EDNRB: variants seen among roughly 807,000 people sequenced by gnomAD.
The protein encoded by EDNRB is endothelin receptor type B.
In EDNRB, 18 loss-of-function variants were observed where a neutral mutation model predicts 46.4. The observed-to-expected ratio is 0.39, with a 90% CI of 0.27 to 0.57. EDNRB has a LOEUF of 0.57. Among genes scored for constraint, EDNRB ranks in the 20% least tolerant of loss-of-function variants. EDNRB has a pLI of 0.61. For synonymous variants in EDNRB, 213 were observed against 204.9 expected (o/e 1.04, Z -0.34); for missense variants, 434 against 537.5 (o/e 0.81, Z 1.90).
At position 77,897,099 on chromosome 13, in the gene EDNRB, G is replaced by A. The variant is rs200910717; in HGVS notation, c.*1101C>T. On this transcript the variant is annotated 3_prime_UTR_variant, in exon 7 of 7. Coordinates refer to ENST00000646607, the MANE Select transcript of EDNRB (RefSeq NM_001122659.3). ...TATGCTAGAAACCATTTTAACCACA[G>A]CATGGGTGAGAGAGGGTGCTACCTG... 15 of 985,636 alleles carry A rather than the reference G, an allele frequency of 1.5e-5. No individual in the cohort carries two copies. Among genetic ancestry groups the A allele is most frequent in the African/African-American group, 8.7e-5 (5 of 57,220 alleles). The allele number at this position is 985,636 out of a possible 1,614,324, so 61.1% of individuals were successfully genotyped here.
intron 1 of EDNRB, among the ~76,000 whole-genome samples, chr13:77,938,070 A>G (rs1280068214): frequency 6.6e-6 from 1 of 152,156 alleles, no homozygotes; most frequent in African/African-American, 2.4e-5. Flanking sequence ...GAAGAAAATA[A>G]GGCATTTAGG....
At chr13:77,902,312 C>A (rs917592157) in intron 3 of EDNRB, among the ~76,000 whole-genome samples, 1 of 151,902 alleles carries the variant, frequency 6.6e-6, no homozygotes, top group African/African-American at 2.4e-5. Flanking sequence ...ACAGTAAATT[C>A]CTCTTCAAAG....
At chr13:77,947,533 A>C (rs1880962873) in intron 1 of EDNRB, 1 of 151,968 alleles carries the variant, frequency 6.6e-6, no homozygotes, top group South Asian at 2.1e-4. Context: ...TGCAATAGCT[A>C]TTTACAGGCA....
chr13:77,938,598 G>A (rs1416064510), intron 1 of EDNRB, among the ~76,000 whole-genome samples: 1 of 152,176 alleles, frequency 6.6e-6, no homozygotes, highest in Non-Finnish European at 1.5e-5. Context: ...AATAATCAGA[G>A]AGGCATCCCT....
chr13:77,970,680 G>C lies in EDNRB; in HGVS notation c.-52+4667C>G, dbSNP rs558769106. Among the ~76,000 whole-genome samples the C allele has an allele frequency of 2.2e-3, 339 of 152,126 alleles. 2 individuals are homozygous for C. Among genetic ancestry groups the C allele is most frequent in the Non-Finnish European group, 4.3e-3 (289 of 67,992 alleles). On this transcript the variant is annotated intron_variant, in intron 1 of 7. Transcript: ENST00000646948. ...TTCTTAATTTTATTTTAAAAACCGT[G>C]GTCATGGGAGGCTCAGATGGGTCAT...
In EDNRB at chr13:77,903,476, A is replaced by T. The variant is rs369155870; in HGVS notation, c.596+19T>A. ...TAGTATATATTCAGAATATACTTGGATTAAATAGAAGCTTCTACCTGTCAA... is the reference window on the plus strand; with the variant it reads ...TAGTATATATTCAGAATATACTTGGTTTAAATAGAAGCTTCTACCTGTCAA... On this transcript the variant is annotated intron_variant, in intron 2 of 6. Coordinates refer to ENST00000646607, the MANE Select transcript of EDNRB (RefSeq NM_001122659.3). 13 of 1,610,712 alleles carry T rather than the reference A, an allele frequency of 8.1e-6. No individual in the cohort carries two copies. The African/African-American group carries it at 1.7e-4, about 22-fold the overall frequency.
At chr13:77,951,644 C>T (rs977646344) in intron 1 of EDNRB, among the ~76,000 whole-genome samples, 4 of 152,116 alleles carry the variant, frequency 2.6e-5, no homozygotes, top group African/African-American at 7.2e-5. Context: ...CAGCATAGCC[C>T]GTGGTGTCAA....
intron 1 of EDNRB, among the ~76,000 whole-genome samples, chr13:77,926,293 G>A (rs1218811832): frequency 2.0e-5 from 3 of 152,104 alleles, no homozygotes; most frequent in East Asian, 1.9e-4. Context: ...CTATTGCATC[G>A]TCAGGCTGCA....
intron 1 of EDNRB, among the ~76,000 whole-genome samples, chr13:77,949,099 AAGAT>A (rs1450524113): frequency 6.6e-6 from 1 of 152,204 alleles, no homozygotes; most frequent in Non-Finnish European, 1.5e-5. Context: ...AGGATTAAGA[AAGAT>A]AAGTAAACAA....
chr13:77,952,398 C>T (rs975337995), intron 1 of EDNRB, among the ~76,000 whole-genome samples: 1 of 152,154 alleles, frequency 6.6e-6, no homozygotes, highest in Middle Eastern at 3.2e-3. Flanking sequence ...GATATGTGGA[C>T]ACTCCTAAGT....
chr13:77,901,327 G>C, intron 3 of EDNRB, 120 bp from the exon 4 acceptor site: 5 of 1,078,814 alleles, frequency 4.6e-6, no homozygotes, highest in Non-Finnish European at 6.8e-6. Context: ...GATCCAGTTT[G>C]TATATATCAT....
At chr13:77,912,012 A>G (rs1271959685) in intron 1 of EDNRB, among the ~76,000 whole-genome samples, 4 of 152,118 alleles carry the variant, frequency 2.6e-5, no homozygotes, top group Admixed American at 1.3e-4. Flanking sequence ...TTCTCTAAAA[A>G]TAATCAACTA....
intron 1 of EDNRB, among the ~76,000 whole-genome samples, chr13:77,966,921 A>G (rs1309401561): frequency 6.6e-6 from 1 of 152,192 alleles, no homozygotes; most frequent in Admixed American, 6.6e-5. Context: ...TTTTCGGCTG[A>G]CATGTCTTAT....
At chr13:77,936,590 G>GCTGCTAAGC (rs1880571683) in intron 1 of EDNRB, among the ~76,000 whole-genome samples, 2 of 152,346 alleles carry the variant, frequency 1.3e-5, no homozygotes, top group Non-Finnish European at 2.9e-5. Context: ...TCAGTCTTCA[G>GCTGCTAAGC]CTGCTAAGCC....
chr13:77,931,590 G>A (rs1880402127), intron 1 of EDNRB, among the ~76,000 whole-genome samples: 1 of 151,762 alleles, frequency 6.6e-6, no homozygotes. Context: ...AAACGCCAGG[G>A]CGTCTAATTG....
At chr13:77,943,686 T>C (rs1880816155) in intron 1 of EDNRB, among the ~76,000 whole-genome samples, 2 of 152,090 alleles carry the variant, frequency 1.3e-5, no homozygotes, top group Non-Finnish European at 2.9e-5. Flanking sequence ...GTTTTTGGCC[T>C]TTCCTCATGG....
Position 77,917,777 on chromosome 13 carries a change from G to C in EDNRB, c.483+314C>G, listed in dbSNP as rs187950966. ...GAGTTTCTGATTCAGTAGGTCTGGG[G>C]TGAGGCCAGAAAAATCTTCATGTGC... On this transcript the variant is annotated intron_variant, in intron 1 of 6. Transcript: ENST00000646607. Among the ~76,000 whole-genome samples, 70 of 152,322 alleles carry C rather than the reference G, an allele frequency of 4.6e-4. No individual in the cohort carries two copies. In the Middle Eastern group the frequency reaches 0.014, roughly 30 times the overall value.
intron 3 of EDNRB, among the ~76,000 whole-genome samples, 186 bp from the exon 4 acceptor site, chr13:77,901,393 C>A (rs975884009): frequency 1.2e-4 from 18 of 152,052 alleles, no homozygotes; most frequent in Non-Finnish European, 2.1e-4. Context: ...TTAAATAAAA[C>A]AAATTTTCCC....
At chr13:77,965,539 A>G (rs1178696873) in intron 1 of EDNRB, among the ~76,000 whole-genome samples, 1 of 152,156 alleles carries the variant, frequency 6.6e-6, no homozygotes. Context: ...ATTGTTCAAA[A>G]CTCTGAGATT....
Sources: allele counts gnomAD v4.1 joint callset (sites outside exome capture counted in the v4.1 genomes callset), GRCh38; gene constraint gnomAD v4.1.1; transcripts MANE v1.5; gene names NCBI Gene and HGNC (gene_info 2026-07-23, HGNC 2026-07-21).